The following UNC80 variants were observed in gnomAD, a reference collection of about 807,000 sequenced individuals.
UNC80 encodes unc-80 subunit of NALCN channel complex.
A neutral mutation model predicts 384.6 loss-of-function variants in UNC80; 164 were observed. The ratio of observed to expected loss-of-function variants is 0.43; its 90% CI spans 0.38 to 0.49. The LOEUF is 0.49. Among genes scored for constraint, UNC80 ranks in the 20% least tolerant of loss-of-function variants. The probability of loss-of-function intolerance (pLI) is 0.00; values close to 1 mark genes in which losing one functional copy is unlikely to be tolerated. For synonymous variants in UNC80, 1,486 were observed against 1,527.8 expected (o/e 0.97, Z 0.64); for missense variants, 3,330 against 4,143.0 (o/e 0.80, Z 5.39).
At chr2:209,812,216 A>AT (rs796729702) in intron 7 of UNC80, among the ~76,000 whole-genome samples, 9,484 of 137,562 alleles carry the variant, frequency 0.069, 485 homozygotes, top group East Asian at 0.25. Flanking sequence ...AGAGCGGCTA[A>AT]TTTTTTTTTT....
At chr2:209,841,942 A>G (rs2081790018) in intron 20 of UNC80, among the ~76,000 whole-genome samples, 1 of 152,142 alleles carries the variant, frequency 6.6e-6, no homozygotes, top group Non-Finnish European at 1.5e-5. Flanking sequence ...ATTACCTTAT[A>G]CTGATTCTTT....
At chr2:209,983,731 A>G (rs554411547) in intron 60 of UNC80, among the ~76,000 whole-genome samples, 9 of 152,252 alleles carry the variant, frequency 5.9e-5, no homozygotes, top group East Asian at 1.9e-4. Context: ...CAGGCCATCA[A>G]TTTCCTTTTT....
At chr2:209,831,657 C>A in intron 16 of UNC80, 66 bp downstream of exon 16, 1 of 1,394,722 alleles carries the variant, frequency 7.2e-7, no homozygotes, top group South Asian at 1.7e-5. Context: ...TACTCATTGT[C>A]GTGGCCATGA....
intron 48 of UNC80, among the ~76,000 whole-genome samples, chr2:209,955,353 G>T (rs1237305044): frequency 6.6e-6 from 1 of 152,034 alleles, no homozygotes; most frequent in Non-Finnish European, 1.5e-5. Flanking sequence ...AGCAGCAACA[G>T]ATGTTTAGTT....
chr2:209,813,798 T>C lies in UNC80; in HGVS notation c.1157T>C (p.Met386Thr), dbSNP rs1381956065. The C allele has an allele frequency of 4.5e-6, 7 of 1,552,068 alleles. No homozygotes were observed. In the African/African-American group the frequency reaches 8.2e-5, roughly 18 times the overall value. The stretch of plus-strand genomic sequence containing the variant: ...CTGCCCAGACCCAGGAGTAGCTCCA[T>C]GGTGGCAGCAGCTCCCTCACTAGTG... ...PLLPRPRSSS[M>T]VAAAPSLVNT... The change falls in exon 8 of 65, where the codon ATG becomes ACG. Residue 386 changes from methionine to threonine, a missense_variant. Around this residue, in one of 8 missense-constraint regions of UNC80, gnomAD observed 937 missense variants for 1,026.8 expected, o/e 0.91. Coordinates refer to ENST00000673920, the MANE Select transcript of UNC80 (RefSeq NM_001371986.1).
intron 61 of UNC80, among the ~76,000 whole-genome samples, chr2:209,989,693 C>T (rs553687180): frequency 1.3e-5 from 2 of 152,278 alleles, no homozygotes; most frequent in African/African-American, 4.8e-5. Context: ...CTGGTTCATT[C>T]TAGTATTGCA....
chr2:209,787,264 A>G (rs1433347287), intron 5 of UNC80, among the ~76,000 whole-genome samples: 1 of 138,482 alleles, frequency 7.2e-6, no homozygotes, highest in African/African-American at 3.0e-5. Context: ...TGAATGAGAC[A>G]TTGCCATCTT....
chr2:209,917,818 G>T lies in UNC80; in HGVS notation c.5071G>T (p.Val1691Leu), dbSNP rs540915815. 4 of 1,552,122 alleles carry T rather than the reference G, an allele frequency of 2.6e-6. No homozygotes were observed. Among genetic ancestry groups the T allele is most frequent in the African/African-American group, 2.7e-5 (2 of 73,154 alleles). ...LLCAVKVPEA[V>L]SDMLMSEFHH... Reference sequence around the variant, plus strand: ...GTGTGCAGTGAAGGTGCCTGAGGCCGTGTCCGACATGCTGATGTCAGAGTT... The same window carrying T: ...GTGTGCAGTGAAGGTGCCTGAGGCCTTGTCCGACATGCTGATGTCAGAGTT... Residue 1691 changes from valine to leucine, a missense_variant, in exon 32 of 65, where the codon GTG becomes TTG. Around this residue, in one of 8 missense-constraint regions of UNC80, gnomAD observed 801 missense variants for 950.8 expected, o/e 0.84. Coordinates refer to ENST00000673920, the MANE Select transcript of UNC80 (RefSeq NM_001371986.1).
intron 28 of UNC80, among the ~76,000 whole-genome samples, chr2:209,902,872 C>T (rs1472613697): frequency 6.6e-6 from 1 of 151,196 alleles, no homozygotes; most frequent in Non-Finnish European, 1.5e-5. Flanking sequence ...TGGAACTGAA[C>T]TCTCAATATC....
At chr2:209,858,612 T>G (rs561405541) in intron 22 of UNC80, among the ~76,000 whole-genome samples, 24 of 150,530 alleles carry the variant, frequency 1.6e-4, no homozygotes, top group African/African-American at 5.6e-4. Flanking sequence ...AAGAATAGCT[T>G]GAACCCAGGA....
chr2:209,963,666 A>G (rs2092663258), intron 51 of UNC80, among the ~76,000 whole-genome samples: 1 of 152,070 alleles, frequency 6.6e-6, no homozygotes, highest in African/African-American at 2.4e-5. Context: ...TATCAAATTC[A>G]TGAGAAAGAG....
At chr2:209,829,994 G>C (rs2080836921) in intron 15 of UNC80, among the ~76,000 whole-genome samples, 1 of 152,208 alleles carries the variant, frequency 6.6e-6, no homozygotes, top group South Asian at 2.1e-4. Context: ...ACCAATAAGT[G>C]TTAACTGCAT....
Position 209,929,968 on chromosome 2 carries a change from A to G in UNC80, c.5904A>G (p.Arg1968=). ...HFLEKLTISN[R]QDELMYMLRK... is the part of the protein sequence containing the mutation. ...TGGAAAAACTGACCATCAGCAATAG[A>G]CAAGTAAATTCCTCTTCCTTTTTAG... The change falls in exon 37 of 65, where the codon AGA becomes AGG. Residue 1968 remains arginine (R), a synonymous_variant. Transcript: ENST00000673920. The G allele has an allele frequency of 6.5e-7, 1 of 1,530,454 alleles. No homozygotes were observed. 94.8% of individuals were successfully genotyped at this position (1,530,454 alleles called of 1,614,324 possible).
At chr2:209,856,795 T>TA (rs1243641696) in intron 22 of UNC80, among the ~76,000 whole-genome samples, 5 of 151,586 alleles carry the variant, frequency 3.3e-5, no homozygotes, top group African/African-American at 1.2e-4. Context: ...TTTATTTATT[T>TA]TTTCGTTTTT....
chr2:209,853,872 C>T (rs968811362), intron 22 of UNC80, among the ~76,000 whole-genome samples: 1 of 152,010 alleles, frequency 6.6e-6, no homozygotes, highest in Non-Finnish European at 1.5e-5. Context: ...ATAGAATTCT[C>T]CCTAGTCTGT....
At chr2:209,874,015 G>C (rs1399847757) in intron 23 of UNC80, among the ~76,000 whole-genome samples, 2 of 151,844 alleles carry the variant, frequency 1.3e-5, no homozygotes, top group Non-Finnish European at 2.9e-5. Context: ...TGTTGGAGTA[G>C]AACACTTTAT....
intron 22 of UNC80, among the ~76,000 whole-genome samples, chr2:209,858,703 AAAAAG>A (rs1200774098): frequency 6.6e-6 from 1 of 151,870 alleles, no homozygotes; most frequent in African/African-American, 2.4e-5. Flanking sequence ...CCAAAAAAAA[AAAAAG>A]AAAGAAAAAA....
intron 23 of UNC80, among the ~76,000 whole-genome samples, chr2:209,873,977 A>G (rs1481669335): frequency 3.3e-5 from 5 of 150,258 alleles, no homozygotes; most frequent in Admixed American, 6.6e-5. Context: ...ACACGTATGT[A>G]TGTGTGTGTG....
intron 47 of UNC80, among the ~76,000 whole-genome samples, chr2:209,953,383 G>A (rs149262967): frequency 9.2e-4 from 123 of 133,324 alleles, no homozygotes; most frequent in African/African-American, 3.5e-3. Context: ...CCACTGCACT[G>A]CAGCCTGGGT....
Sources: allele counts gnomAD v4.1 joint callset (sites outside exome capture counted in the v4.1 genomes callset), GRCh38; gene constraint gnomAD v4.1.1; regional missense constraint gnomAD v4.1.1; transcripts MANE v1.5; gene names NCBI Gene and HGNC (gene_info 2026-07-23, HGNC 2026-07-21).